Variants in ZFP1 observed in about 807,000 individuals in gnomAD.
ZFP1 encodes the protein ZFP1 zinc finger protein.
Under a neutral mutation model 38.5 loss-of-function variants are expected in ZFP1, and 32 were observed. That is an observed-to-expected ratio of 0.83 (90% CI 0.63 to 1.12). The LOEUF (loss-of-function observed/expected upper bound fraction) is 1.12, where lower values mean the gene tolerates loss of function less well. Ranked by LOEUF, ZFP1 falls within the 50% of genes most tolerant of loss-of-function variation. ZFP1 has a pLI of 0.00. For missense variants in ZFP1, 616 were observed against 480.8 expected (o/e 1.28, Z -2.63); for synonymous variants, 245 against 168.8 (o/e 1.45, Z -3.50).
At chr16:75,137,201 G>A in the ZFP1 span, among the ~76,000 whole-genome samples, 1 of 152,182 alleles carries the variant, frequency 6.6e-6, no homozygotes, top group Admixed American at 6.6e-5. Flanking sequence ...GGGCCCAGGA[G>A]TCACCTGAGA....
chr16:75,138,023 C>CCT, the ZFP1 span, among the ~76,000 whole-genome samples: 1 of 129,348 alleles, frequency 7.7e-6, no homozygotes, highest in Non-Finnish European at 1.5e-5. Context: ...CCTCCCACTT[C>CCT]CTTTTTTTTT....
At chr16:75,139,418 C>G in the ZFP1 span, among the ~76,000 whole-genome samples, 2 of 145,556 alleles carry the variant, frequency 1.4e-5, no homozygotes, top group East Asian at 4.0e-4. Context: ...CCAGTCGGGC[C>G]TGGGGGCTCA....
intron 2 of ZFP1, among the ~76,000 whole-genome samples, chr16:75,155,157 G>T (rs1050799315): frequency 7.2e-5 from 11 of 152,162 alleles, no homozygotes; most frequent in African/African-American, 2.7e-4. Context: ...TTGAGACAGG[G>T]TCTCGCTCTG....
At chr16:75,128,408 ACAAATAATTAGG>A in the ZFP1 span, among the ~76,000 whole-genome samples, 1 of 152,238 alleles carries the variant, frequency 6.6e-6, no homozygotes, top group South Asian at 2.1e-4. Flanking sequence ...TGTAGTGTAT[ACAAATAATTAGG>A]CCAAGTACAA....
At chr16:75,157,856 C>T (rs1236738714) in intron 2 of ZFP1, among the ~76,000 whole-genome samples, 1 of 151,934 alleles carries the variant, frequency 6.6e-6, no homozygotes, top group African/African-American at 2.4e-5. Flanking sequence ...AGTGCAGTGG[C>T]TTGATCTTCA....
At chr16:75,133,387 G>A in the ZFP1 span, among the ~76,000 whole-genome samples, 1 of 152,128 alleles carries the variant, frequency 6.6e-6, no homozygotes, top group Non-Finnish European at 1.5e-5. Flanking sequence ...ATTACGCCCA[G>A]TATTCAATAG....
chr16:75,167,844 C>T (rs1288291859), intron 3 of ZFP1, among the ~76,000 whole-genome samples: 1 of 152,120 alleles, frequency 6.6e-6, no homozygotes, highest in Admixed American at 6.6e-5. Context: ...TGCTTATAAT[C>T]CTAGCATTTT....
chr16:75,155,251 C>T (rs2037413630), intron 2 of ZFP1, among the ~76,000 whole-genome samples: 2 of 152,224 alleles, frequency 1.3e-5, no homozygotes, highest in Admixed American at 6.5e-5. Context: ...CTGCCTAAAT[C>T]CCCGCAAGTA....
Position 75,169,504 on chromosome 16 carries a change from GATGAGTGTA to G in ZFP1, c.399_407del (p.Cys134_Glu136del). 1 of 1,613,294 alleles carries G rather than the reference GATGAGTGTA, an allele frequency of 6.2e-7. No homozygotes were observed. Among genetic ancestry groups the G allele is most frequent in the Non-Finnish European group, 8.5e-7 (1 of 1,179,860 alleles). On this transcript the variant is annotated inframe_deletion, in exon 4 of 4. Transcript: ENST00000570010. Reference sequence around the variant, plus strand: ...TAGAAGCTATGCAGGAAAGCAGACTGATGAGTGTAATGAATTTGGAAAAGCACTTCTCTA... The same window carrying G: ...TAGAAGCTATGCAGGAAAGCAGACTGATGAATTTGGAAAAGCACTTCTCTA...
the ZFP1 span, among the ~76,000 whole-genome samples, chr16:75,137,458 A>C: frequency 2.9e-5 from 1 of 34,828 alleles, no homozygotes. Flanking sequence ...TACAAAAAAA[A>C]TTCTTTTTTT....
upstream of ZFP1, among the ~76,000 whole-genome samples, chr16:75,143,650 T>TTTG (rs2036911025): frequency 7.1e-6 from 1 of 139,988 alleles, no homozygotes; most frequent in East Asian, 2.1e-4. Flanking sequence ...GGTGAATCTT[T>TTTG]TTTTTTTTTT....
At chr16:75,136,684 C>T in the ZFP1 span, among the ~76,000 whole-genome samples, 5 of 152,082 alleles carry the variant, frequency 3.3e-5, no homozygotes, top group South Asian at 1.0e-3. Flanking sequence ...GCCTGGACAG[C>T]ATGGTGAAAC....
Position 75,156,750 on chromosome 16 carries a change from C to A in ZFP1, c.15+3784C>A, listed in dbSNP as rs193164460. ...ATCTTGGTTCACTGGTGAATAGCCACCACTCAGGAGTAGATTAAAGCAGAA... is the reference window on the plus strand; with the variant it reads ...ATCTTGGTTCACTGGTGAATAGCCAACACTCAGGAGTAGATTAAAGCAGAA... On this transcript the variant is annotated intron_variant, in intron 2 of 3. Transcript: ENST00000570010. 3.9e-5 allele frequency among the ~76,000 whole-genome samples: 6 copies of A among 152,284 alleles called. No individual in the cohort carries two copies. The East Asian group carries it at 1.2e-3, about 29-fold the overall frequency.
At chr16:75,146,525 C>T (rs188603571), upstream of ZFP1, among the ~76,000 whole-genome samples, 4 of 152,266 alleles carry the variant, frequency 2.6e-5, no homozygotes, top group East Asian at 1.9e-4. Flanking sequence ...AACCTGAACA[C>T]AGATGTTTAG....
chr16:75,128,962 G>T, the ZFP1 span, among the ~76,000 whole-genome samples: 1 of 151,934 alleles, frequency 6.6e-6, no homozygotes, highest in East Asian at 1.9e-4. Flanking sequence ...GGCTAATTTT[G>T]TATTTTTAGT....
chr16:75,165,051 C>T (rs906757235), intron 2 of ZFP1, among the ~76,000 whole-genome samples: 10 of 152,074 alleles, frequency 6.6e-5, no homozygotes, highest in Admixed American at 6.5e-4. Flanking sequence ...GTGATCCACC[C>T]ACTTCAGCCT....
rs777614683 is a variant in ZFP1, at chr16:75,152,909, T to C, written c.-43T>C. On this transcript the variant is annotated splice_region_variant and 5_prime_UTR_variant, in exon 2 of 4. Transcript: ENST00000570010. ...TGCCTTCCTTTTTCCTCTATTCCAG[T>C]TCTGCCTTCATAGTTCTCTGCCTTT... 3.7e-6 allele frequency: 6 copies of C among 1,612,752 alleles called. No homozygotes were observed. The highest frequency in any genetic ancestry group is 4.2e-6 in the Non-Finnish European group (5 of 1,179,514).
rs572026049 is a variant in ZFP1, at chr16:75,170,007, C to T, written c.897C>T (p.Asn299=). The change falls in exon 4 of 4, where the codon AAC becomes AAT. Residue 299 remains asparagine, a synonymous_variant. Transcript: ENST00000570010. ...CAGGAGAGCGACCCTATGAGTGTAA[C>T]GAATGTGCAAAAACCTTCTTTAAGA... The part of the protein sequence containing the change: ...IHTGERPYEC[N]ECAKTFFKKS... The T allele has an allele frequency of 2.2e-5, 35 of 1,613,916 alleles. No individual in the cohort carries two copies. The highest frequency in any genetic ancestry group is 2.1e-4 in the African/African-American group (16 of 74,866).
chr16:75,169,958 T>A lies in ZFP1; in HGVS notation c.848T>A (p.Leu283His). 6.2e-7 allele frequency: 1 copy of A among 1,614,208 alleles called. No individual in the cohort carries two copies. Among genetic ancestry groups the A allele is most frequent in the Non-Finnish European group, 8.5e-7 (1 of 1,180,038 alleles). Residue 283 changes from leucine to histidine, a missense_variant, in exon 4 of 4, where the codon CTC (leucine) becomes CAC (histidine). By Grantham distance (99) the Leu-to-His change is moderately conservative. Coordinates refer to ENST00000570010, the MANE Select transcript of ZFP1 (RefSeq NM_153688.4). ...AAGACATTTGCCCAAAAGTTTGAACTCACCACACACCAGAGAATTCATACA... is the reference window on the plus strand; with the variant it reads ...AAGACATTTGCCCAAAAGTTTGAACACACCACACACCAGAGAATTCATACA... The part of the protein sequence containing the change: ...CGKTFAQKFE[L>H]TTHQRIHTGE...
Sources: allele counts gnomAD v4.1 joint callset (sites outside exome capture counted in the v4.1 genomes callset), GRCh38; gene constraint gnomAD v4.1.1; transcripts MANE v1.5; gene names NCBI Gene and HGNC (gene_info 2026-07-23, HGNC 2026-07-21).